The following NEB variants were observed in gnomAD, a reference collection of about 807,000 sequenced individuals.
NEB encodes the protein nebulin.
In NEB, 512 loss-of-function variants were observed where a neutral mutation model predicts 952.2. The ratio of observed to expected loss-of-function variants is 0.54; its 90% CI spans 0.50 to 0.58. The LOEUF (loss-of-function observed/expected upper bound fraction) is 0.58. NEB is among the 20% of genes least tolerant of loss of function. NEB has a pLI of 0.00. For synonymous variants in NEB, 2,900 were observed against 3,149.8 expected (o/e 0.92, Z 2.66); for missense variants, 8,428 against 9,231.1 (o/e 0.91, Z 3.56).
intron 54 of NEB, among the ~76,000 whole-genome samples, chr2:151,648,139 C>T (rs369467210): frequency 6.6e-6 from 1 of 152,176 alleles, no homozygotes; most frequent in African/African-American, 2.4e-5. Context: ...CACACACATA[C>T]ACACATATGT....
In NEB at chr2:151,694,348, A is replaced by T; in HGVS notation, c.1871T>A (p.Leu624Ter). 1 of 1,614,028 alleles carries T rather than the reference A, an allele frequency of 6.2e-7. No homozygotes were observed. Among genetic ancestry groups the T allele is most frequent in the Non-Finnish European group, 8.5e-7 (1 of 1,179,888 alleles). ...ATCACTCTGGTTTTTGGCCACCTTC[A>T]AGGAGTGCAGCATCTTGGGATCGTC... ...INDDPKMLHS[L>*]KVAKNQSDRL... Residue 624 changes from leucine to a stop codon, truncating the protein, a stop_gained, in exon 20 of 182, where the codon TTG becomes TAG. Coordinates refer to ENST00000397345, the MANE Select transcript of NEB (RefSeq NM_001164508.2). LOFTEE classifies it high-confidence loss of function.
At position 151,646,219 on chromosome 2, in the gene NEB, C is replaced by A. The variant is rs1194148287; in HGVS notation, c.7447G>T (p.Ala2483Ser). Residue 2483 changes from alanine (A) to serine (S), a missense_variant, in exon 55 of 182, where the codon GCT becomes TCT. Physicochemically the swap from Ala to Ser is moderately conservative, Grantham distance 99 (BLOSUM62 1). Coordinates refer to ENST00000397345, the MANE Select transcript of NEB (RefSeq NM_001164508.2). ...ATCTGAGTCTTGTCTTTGTCCCAAGCTTCTCTATAAAGTCTCTAAAATAAG... is the reference window on the plus strand; with the variant it reads ...ATCTGAGTCTTGTCTTTGTCCCAAGATTCTCTATAAAGTCTCTAAAATAAG... ...KNRSDRLYRE[A>S]WDKDKTQIHI... 1 of 1,595,054 alleles carries A rather than the reference C, an allele frequency of 6.3e-7. No homozygotes were observed. The highest frequency in any genetic ancestry group is 8.6e-7 in the Non-Finnish European group (1 of 1,169,416).
At chr2:151,541,880 A>G (rs1002993588) in intron 135 of NEB, among the ~76,000 whole-genome samples, 3 of 151,834 alleles carry the variant, frequency 2.0e-5, no homozygotes, top group Non-Finnish European at 4.4e-5. Context: ...TGTTTTCCCA[A>G]TCCCCTCTTT....
chr2:151,680,122 GT>G, intron 30 of NEB, 100 bp from the exon 31 acceptor site: 1 of 879,056 alleles, frequency 1.1e-6, no homozygotes, highest in Non-Finnish European at 1.8e-6. Flanking sequence ...CACAGAGGTG[GT>G]TTTAGGAAGG....
At chr2:151,640,689 A>G (rs1166816701) in intron 60 of NEB, 23 bp from the exon 61 acceptor site, 1 of 1,596,364 alleles carries the variant, frequency 6.3e-7, no homozygotes, top group South Asian at 1.1e-5. Context: ...AAAGACAGAT[A>G]GTCATCTGTT....
At chr2:151,538,512 G>T (rs1402500491) in intron 138 of NEB, among the ~76,000 whole-genome samples, 5 of 152,136 alleles carry the variant, frequency 3.3e-5, no homozygotes, top group Non-Finnish European at 7.4e-5. Context: ...ACAGGTGTTA[G>T]CAACAGGAGG....
At chr2:151,486,493 TC>T (rs2050518249) in intron 181 of NEB, 1 of 153,184 alleles carries the variant, frequency 6.5e-6, no homozygotes, top group South Asian at 2.1e-4. Flanking sequence ...CAAATTCCAC[TC>T]CTAGGTGTAT....
chr2:151,537,726 T>C (rs1199572519), intron 140 of NEB, 146 bp downstream of exon 140: 10 of 509,802 alleles, frequency 2.0e-5, no homozygotes, highest in Non-Finnish European at 3.4e-5. Flanking sequence ...TTCACTCACT[T>C]AGCAATTGAG....
chr2:151,518,293 GA>G, intron 156 of NEB, 24 bp downstream of exon 156: 3 of 1,509,232 alleles, frequency 2.0e-6, no homozygotes, highest in Non-Finnish European at 1.8e-6. Flanking sequence ...TGCGCCAGAG[GA>G]AAAATCGGTC....
In NEB at chr2:151,527,524, G is replaced by A. The variant is rs367626762; in HGVS notation, c.21797C>T (p.Pro7266Leu). Residue 7266 changes from proline (P) to leucine (L), a missense_variant, in exon 147 of 182, where the codon CCG becomes CTG. By Grantham distance (98) the Pro-to-Leu change is moderately conservative (BLOSUM62 -3). Transcript: ENST00000397345. ...KAHWKWTPDR[P>L]DFLQAAKSSL... ...TGACTTGGCAGCCTGGAGGAAGTCC[G>A]GTCGGTCAGGAGTCCACTTCCAGTG... 2.0e-4 allele frequency: 324 copies of A among 1,613,390 alleles called. 1 individual carries two copies. Among genetic ancestry groups the A allele is most frequent in the Middle Eastern group, 1.7e-3 (10 of 6,056 alleles).
intron 46 of NEB, among the ~76,000 whole-genome samples, chr2:151,659,583 G>A (rs971227472): frequency 2.6e-5 from 4 of 152,160 alleles, no homozygotes; most frequent in African/African-American, 7.2e-5. Context: ...TTACAGGCAT[G>A]AGCCACTGCA....
intron 63 of NEB, among the ~76,000 whole-genome samples, chr2:151,638,584 G>A (rs2098804676): frequency 6.6e-6 from 1 of 152,208 alleles, no homozygotes; most frequent in Non-Finnish European, 1.5e-5. Flanking sequence ...TTTCCAGAAC[G>A]AATGGACTGA....
intron 3 of NEB, among the ~76,000 whole-genome samples, chr2:151,732,866 C>A (rs149089623): frequency 2.6e-5 from 4 of 152,218 alleles, no homozygotes; most frequent in Non-Finnish European, 5.9e-5. Flanking sequence ...TTAAAACCTG[C>A]CTTTACTCCA....
intron 114 of NEB, 67 bp downstream of exon 114, chr2:151,567,101 G>T: frequency 7.4e-7 from 1 of 1,345,968 alleles, no homozygotes; most frequent in Non-Finnish European, 1.0e-6. Context: ...GTGGATCTGG[G>T]ATGTTGCTCA....
chr2:151,574,930 G>T (rs947856933), intron 107 of NEB, among the ~76,000 whole-genome samples: 27 of 151,860 alleles, frequency 1.8e-4, no homozygotes, highest in Non-Finnish European at 3.2e-4. Context: ...TGCAGAGATG[G>T]GGTCTCCCTA....
Position 151,625,758 on chromosome 2 carries a change from T to G in NEB, c.10348-120A>C, listed in dbSNP as rs921844232. ...TTCTTGCTGTCTGTTCCATGTATGTTAATATTCTTTTCAACCTCTTTGATT... is the reference window on the plus strand; with the variant it reads ...TTCTTGCTGTCTGTTCCATGTATGTGAATATTCTTTTCAACCTCTTTGATT... On this transcript the variant is annotated intron_variant, in intron 70 of 181. Coordinates refer to ENST00000397345, the MANE Select transcript of NEB (RefSeq NM_001164508.2). 2.0e-5 allele frequency: 11 copies of G among 542,574 alleles called. 1 individual carries two copies. The East Asian group carries it at 2.6e-4, about 13-fold the overall frequency. 33.6% of individuals were successfully genotyped at this position (542,574 alleles called of 1,614,324 possible).
intron 162 of NEB, chr2:151,507,215 G>A (rs1055075339): frequency 7.9e-6 from 4 of 504,836 alleles, no homozygotes; most frequent in South Asian, 2.5e-5. Context: ...ATAAAGCTAG[G>A]GGTTTGTTTT....
At chr2:151,628,708 A>G (rs1452907212) in intron 68 of NEB, among the ~76,000 whole-genome samples, 1 of 151,976 alleles carries the variant, frequency 6.6e-6, no homozygotes, top group Admixed American at 6.6e-5. Flanking sequence ...AATACTAAAA[A>G]AAAATTAGCC....
chr2:151,581,613 T>G, intron 102 of NEB, 26 bp from the exon 103 acceptor site: 1 of 886,146 alleles, frequency 1.1e-6, no homozygotes. Flanking sequence ...AACGATGGAA[T>G]GGTCAATTAG....
Sources: allele counts gnomAD v4.1 joint callset (sites outside exome capture counted in the v4.1 genomes callset), GRCh38; gene constraint gnomAD v4.1.1; transcripts MANE v1.5; gene names NCBI Gene and HGNC (gene_info 2026-07-23, HGNC 2026-07-21).